RAD51B: variants seen among roughly 807,000 people sequenced by gnomAD.
The protein encoded by RAD51B is RAD51 paralog B.
In RAD51B, 38 loss-of-function variants were observed where a neutral mutation model predicts 42.2. That is an observed-to-expected ratio of 0.90 (90% CI 0.70 to 1.18). The LOEUF (loss-of-function observed/expected upper bound fraction) is 1.18. Among genes scored for constraint, RAD51B ranks in the 50% most tolerant of loss-of-function variants. RAD51B has a pLI of 0.00. For missense variants in RAD51B, 373 were observed against 400.7 expected, an observed-to-expected ratio of 0.93 and a Z score of 0.59; for synonymous variants, 154 against 145.2, an observed-to-expected ratio of 1.06 and a Z score of -0.43.
In RAD51B at chr14:68,161,758, G is replaced by A. The variant is rs536537204; in HGVS notation, c.757-130126G>A. ...TGACCCAAATCTGCCTAAATCTAAA[G>A]CCCATCTCTTTTCTCCACACCTTGT... On this transcript the variant is annotated intron_variant, in intron 7 of 10. Transcript: ENST00000471583. Among the ~76,000 whole-genome samples, 12 of 152,280 alleles carry A rather than the reference G, an allele frequency of 7.9e-5. No individual in the cohort carries two copies. In the East Asian group the frequency reaches 2.3e-3, roughly 29 times the overall value.
intron 10 of RAD51B, chr14:68,497,959 G>T (rs1411122866): frequency 5.5e-6 from 1 of 182,416 alleles, no homozygotes; most frequent in Non-Finnish European, 1.2e-5. Context: ...TGTGAATATT[G>T]TACTGCTATG....
intron 9 of RAD51B, among the ~76,000 whole-genome samples, chr14:68,455,913 T>G (rs913325101): frequency 1.6e-4 from 25 of 152,294 alleles, no homozygotes; most frequent in Non-Finnish European, 7.3e-5. Context: ...ATGTAATTTG[T>G]ATGACAATAG....
At chr14:68,138,175 C>G (rs1457127306) in intron 7 of RAD51B, among the ~76,000 whole-genome samples, 1 of 151,930 alleles carries the variant, frequency 6.6e-6, no homozygotes, top group African/African-American at 2.4e-5. Flanking sequence ...GGTTGTTATT[C>G]CCAGAGTTTT....
intron 8 of RAD51B, among the ~76,000 whole-genome samples, chr14:68,410,438 C>T (rs1343510051): frequency 1.3e-5 from 2 of 152,196 alleles, no homozygotes; most frequent in Non-Finnish European, 2.9e-5. Context: ...TCTATGTAGT[C>T]TCCTCATAGA....
At chr14:68,118,706 G>C (rs1287773353) in intron 7 of RAD51B, among the ~76,000 whole-genome samples, 1 of 152,014 alleles carries the variant, frequency 6.6e-6, no homozygotes, top group Non-Finnish European at 1.5e-5. Context: ...TTCACATTTG[G>C]TTCAAAATAT....
chr14:68,119,133 G>T lies in RAD51B; in HGVS notation c.757-172751G>T, dbSNP rs570987578. On this transcript the variant is annotated intron_variant, in intron 7 of 10. Transcript: ENST00000471583. Reference sequence around the variant, plus strand: ...AATTTTTCTAATTTTTTTTTGTAGAGACAGGGTGTCACCATGTTGTCCATG... The same window carrying T: ...AATTTTTCTAATTTTTTTTTGTAGATACAGGGTGTCACCATGTTGTCCATG... Among the ~76,000 whole-genome samples the T allele has an allele frequency of 2.0e-5, 3 of 151,664 alleles. No individual in the cohort carries two copies. In the South Asian group the frequency reaches 6.3e-4, roughly 32 times the overall value.
intron 10 of RAD51B, among the ~76,000 whole-genome samples, chr14:68,502,165 A>G (rs1273196125): frequency 3.3e-5 from 5 of 152,382 alleles, no homozygotes; most frequent in East Asian, 1.9e-4. Context: ...AAGCCTGTCA[A>G]TGGAAAGATG....
At chr14:68,025,370 G>A (rs908589562) in intron 7 of RAD51B, among the ~76,000 whole-genome samples, 12 of 151,902 alleles carry the variant, frequency 7.9e-5, no homozygotes, top group Non-Finnish European at 1.8e-4. Flanking sequence ...AATGAGTTAT[G>A]GAGGAGTCCC....
At chr14:67,849,179 C>T (rs1296950116) in intron 4 of RAD51B, among the ~76,000 whole-genome samples, 4 of 152,216 alleles carry the variant, frequency 2.6e-5, no homozygotes, top group African/African-American at 9.6e-5. Flanking sequence ...TTTTTCTCCT[C>T]TCTCAGGAAT....
chr14:68,198,747 G>C (rs901928866), intron 7 of RAD51B, among the ~76,000 whole-genome samples: 38 of 152,264 alleles, frequency 2.5e-4, no homozygotes, highest in African/African-American at 7.2e-4. Context: ...TTATTATGCA[G>C]TTCTCAGCCT....
chr14:68,339,248 C>T (rs552817489), intron 8 of RAD51B: 16 of 1,135,970 alleles, frequency 1.4e-5, no homozygotes, highest in Non-Finnish European at 1.9e-5. Context: ...GCTTAAGCAG[C>T]TGAGTAGCTG....
At chr14:68,324,573 A>G (rs1170716116) in intron 8 of RAD51B, among the ~76,000 whole-genome samples, 1 of 152,088 alleles carries the variant, frequency 6.6e-6, no homozygotes, top group East Asian at 1.9e-4. Context: ...CCTCTCTAGA[A>G]CTTTTTTCCT....
At chr14:68,334,160 A>T (rs1337210510) in intron 8 of RAD51B, among the ~76,000 whole-genome samples, 1 of 152,132 alleles carries the variant, frequency 6.6e-6, no homozygotes, top group Non-Finnish European at 1.5e-5. Context: ...AAATGCAGGG[A>T]TGAGGGGTGC....
chr14:67,954,867 A>G (rs1463172527), intron 7 of RAD51B, among the ~76,000 whole-genome samples: 1 of 152,172 alleles, frequency 6.6e-6, no homozygotes, highest in Non-Finnish European at 1.5e-5. Context: ...TGGCTGATAG[A>G]TCTTGGAGGA....
chr14:68,666,810 T>C (rs976855389), intron 11 of RAD51B, among the ~76,000 whole-genome samples: 2 of 152,208 alleles, frequency 1.3e-5, no homozygotes, highest in Non-Finnish European at 2.9e-5. Flanking sequence ...AATCTGCTTT[T>C]CCCCCAGTGT....
chr14:68,027,956 G>A (rs535668368), intron 7 of RAD51B, among the ~76,000 whole-genome samples: 3 of 152,088 alleles, frequency 2.0e-5, no homozygotes, highest in African/African-American at 4.8e-5. Context: ...GAAGTTTGGT[G>A]TTTCTTTATC....
At chr14:68,573,387 C>T (rs191777057) in intron 10 of RAD51B, among the ~76,000 whole-genome samples, 21 of 152,284 alleles carry the variant, frequency 1.4e-4, no homozygotes, top group Admixed American at 1.4e-3. Flanking sequence ...CCTGTACTTG[C>T]TATTCCTTCC....
chr14:68,326,402 A>G (rs2082253656), intron 8 of RAD51B, among the ~76,000 whole-genome samples: 1 of 152,134 alleles, frequency 6.6e-6, no homozygotes. Context: ...GTTTAGTACC[A>G]TCCTGGACCC....
At chr14:68,202,587 T>G (rs8017693) in intron 7 of RAD51B, among the ~76,000 whole-genome samples, 22,642 of 144,890 alleles carry the variant, frequency 0.16, 2,231 homozygotes, top group Middle Eastern at 0.34. Flanking sequence ...TTTTTTTTTT[T>G]TTTTTTTTTT....
Sources: gnomAD v4.1 joint callset for allele counts (sites outside exome capture counted in the v4.1 genomes callset) on GRCh38, gnomAD v4.1.1 for gene constraint, MANE v1.5 for transcripts, NCBI Gene and HGNC (gene_info 2026-07-23, HGNC 2026-07-21) for gene names.